Variants in FRMD4B observed in about 807,000 individuals in gnomAD.
FRMD4B encodes FERM domain containing 4B.
FRMD4B carries 74 observed loss-of-function variants against 141.5 expected under a neutral mutation model. The ratio of observed to expected loss-of-function variants is 0.52; its 90% CI spans 0.43 to 0.63. The LOEUF (loss-of-function observed/expected upper bound fraction) is 0.63. Among genes scored for constraint, FRMD4B ranks in the 30% least tolerant of loss-of-function variants. The probability of loss-of-function intolerance (pLI) is 0.00; values close to 1 mark genes in which losing one functional copy is unlikely to be tolerated. For missense variants in FRMD4B, 1,366 were observed against 1,253.4 expected (o/e 1.09, Z -1.36); for synonymous variants, 506 against 467.9 (o/e 1.08, Z -1.05).
At chr3:69,190,025 T>A in intron 17 of FRMD4B, 73 bp from the exon 18 acceptor site, 5 of 776,664 alleles carry the variant, frequency 6.4e-6, no homozygotes, top group Non-Finnish European at 1.1e-5. Context: ...ATAAACAATT[T>A]TCAATGGAAT....
chr3:69,342,766 G>C (rs1024021636), intron 1 of FRMD4B, among the ~76,000 whole-genome samples: 2 of 151,914 alleles, frequency 1.3e-5, no homozygotes, highest in South Asian at 2.1e-4. Context: ...TTTATGTTGG[G>C]AACATTCAAT....
chr3:69,504,629 G>C (rs779387122), intron 1 of FRMD4B, among the ~76,000 whole-genome samples: 4 of 152,154 alleles, frequency 2.6e-5, no homozygotes, highest in Admixed American at 6.5e-5. Flanking sequence ...CCACATTATA[G>C]ATCTACCAAC....
At position 69,196,349 on chromosome 3, in the gene FRMD4B, C is replaced by T. The variant is rs1418811592; in HGVS notation, c.1140G>A (p.Leu380=). The T allele has an allele frequency of 6.2e-7, 1 of 1,611,902 alleles. No individual in the cohort carries two copies. The highest frequency in any genetic ancestry group is 8.5e-7 in the Non-Finnish European group (1 of 1,178,984). ...ARSLDEIAMD[L]TETGTQRASK... ...AGGCCCTTTGTGTTCCTGTCTCTGTCAAATCCATTGCAATCTCATCTAAAC... is the reference window on the plus strand; with the variant it reads ...AGGCCCTTTGTGTTCCTGTCTCTGTTAAATCCATTGCAATCTCATCTAAAC... The change falls in exon 14 of 23, where the codon TTG becomes TTA. Residue 380 remains leucine (L), a synonymous_variant. Transcript: ENST00000398540.
intron 1 of FRMD4B, among the ~76,000 whole-genome samples, chr3:69,343,577 GTTTTT>G (rs66705405): frequency 4.9e-4 from 62 of 126,488 alleles, no homozygotes; most frequent in South Asian, 7.6e-4. Flanking sequence ...ACAGTTTTTT[GTTTTT>G]TTTTTTTTTT....
chr3:69,400,883 T>G (rs1704552273), intron 2 of FRMD4B, among the ~76,000 whole-genome samples: 1 of 152,210 alleles, frequency 6.6e-6, no homozygotes, highest in Non-Finnish European at 1.5e-5. Flanking sequence ...TAAGATGATG[T>G]GAACTTATTT....
intron 2 of FRMD4B, among the ~76,000 whole-genome samples, chr3:69,417,031 T>C (rs1441062775): frequency 3.3e-5 from 5 of 152,226 alleles, no homozygotes; most frequent in African/African-American, 1.2e-4. Flanking sequence ...TGTGTCTTTA[T>C]AGTAGAATGA....
chr3:69,385,835 A>G lies in FRMD4B; in HGVS notation c.155T>C (p.Val52Ala). The part of the protein sequence containing the change: ...VLRTWCGLQD[V>A]YQMTEGRHCQ... Reference sequence around the variant, plus strand: ...CCGCGCGCTCCAGCTCACCTGGTACACGTCCTGCAGCCCGCACCACGTCCG... The same window carrying G: ...CCGCGCGCTCCAGCTCACCTGGTACGCGTCCTGCAGCCCGCACCACGTCCG... Residue 52 changes from valine to alanine, a missense_variant, in exon 1 of 23, where the codon GTG becomes GCG. Val to Ala is a moderately conservative substitution (Grantham distance 64). Transcript: ENST00000398540. 6.3e-7 allele frequency: 1 copy of G among 1,578,218 alleles called. No homozygotes were observed. The highest frequency in any genetic ancestry group is 8.6e-7 in the Non-Finnish European group (1 of 1,161,862).
intron 2 of FRMD4B, among the ~76,000 whole-genome samples, chr3:69,429,356 C>G (rs1705138955): frequency 6.6e-6 from 1 of 152,130 alleles, no homozygotes; most frequent in South Asian, 2.1e-4. Context: ...AAATATTGCC[C>G]CTACTGGCAT....
At chr3:69,432,299 T>C (rs560088007) in intron 2 of FRMD4B, among the ~76,000 whole-genome samples, 1 of 152,306 alleles carries the variant, frequency 6.6e-6, no homozygotes, top group South Asian at 2.1e-4. Flanking sequence ...ATATTGGAAA[T>C]ATAGGAAATA....
intron 7 of FRMD4B, among the ~76,000 whole-genome samples, chr3:69,228,798 T>C (rs927414565): frequency 2.0e-5 from 3 of 149,170 alleles, no homozygotes; most frequent in African/African-American, 4.9e-5. Flanking sequence ...TGCACCAATA[T>C]ATTACAGCCT....
chr3:69,197,942 T>G (rs373560243), intron 12 of FRMD4B: 5 of 152,276 alleles, frequency 3.3e-5, no homozygotes, highest in African/African-American at 9.7e-5. Flanking sequence ...CTGGCCAACA[T>G]GGTGAAAGCC....
At chr3:69,280,695 A>G (rs187962897) in intron 5 of FRMD4B, among the ~76,000 whole-genome samples, 1 of 152,190 alleles carries the variant, frequency 6.6e-6, no homozygotes, top group African/African-American at 2.4e-5. Flanking sequence ...GACATTAACC[A>G]CTGCAACCTC....
chr3:69,242,096 A>T (rs1348198373), intron 7 of FRMD4B, among the ~76,000 whole-genome samples: 1 of 152,174 alleles, frequency 6.6e-6, no homozygotes, highest in South Asian at 2.1e-4. Flanking sequence ...AAACATATTA[A>T]TAATAGTAAC....
chr3:69,190,296 T>C (rs963036361), intron 17 of FRMD4B, among the ~76,000 whole-genome samples: 1 of 152,216 alleles, frequency 6.6e-6, no homozygotes, highest in Non-Finnish European at 1.5e-5. Context: ...GAAAAAATCA[T>C]GCCATTCTTA....
At chr3:69,211,849 T>C (rs1023720728) in intron 11 of FRMD4B, among the ~76,000 whole-genome samples, 5 of 152,322 alleles carry the variant, frequency 3.3e-5, no homozygotes, top group African/African-American at 4.8e-5. Context: ...GCTGTGCTCA[T>C]GGTCCTTTAA....
intron 1 of FRMD4B, among the ~76,000 whole-genome samples, chr3:69,527,996 T>G (rs999316305): frequency 4.6e-5 from 7 of 152,178 alleles, no homozygotes; most frequent in African/African-American, 1.7e-4. Flanking sequence ...TCTCAATAAG[T>G]GAAGAAAGCA....
intron 16 of FRMD4B, among the ~76,000 whole-genome samples, chr3:69,194,208 G>A (rs538508461): frequency 6.6e-6 from 1 of 152,344 alleles, no homozygotes; most frequent in Non-Finnish European, 1.5e-5. Flanking sequence ...TAGCTTTAGA[G>A]ACAGATAAAT....
chr3:69,309,607 A>ATTTTTT (rs34067186), intron 3 of FRMD4B, among the ~76,000 whole-genome samples: 2 of 109,084 alleles, frequency 1.8e-5, no homozygotes, highest in Admixed American at 1.1e-4. Flanking sequence ...TACCTGGCTG[A>ATTTTTT]TTTTTTTTTT....
At chr3:69,402,621 T>C (rs1334877565) in intron 2 of FRMD4B, among the ~76,000 whole-genome samples, 2 of 152,168 alleles carry the variant, frequency 1.3e-5, no homozygotes, top group African/African-American at 4.8e-5. Flanking sequence ...GCGTAATTCA[T>C]ATATGTAGGG....
Sources: gnomAD v4.1 joint callset for allele counts (sites outside exome capture counted in the v4.1 genomes callset) on GRCh38, gnomAD v4.1.1 for gene constraint, MANE v1.5 for transcripts, NCBI Gene and HGNC (gene_info 2026-07-23, HGNC 2026-07-21) for gene names.